The following CCDC90B variants were observed in gnomAD, a reference collection of about 807,000 sequenced individuals.
CCDC90B encodes coiled-coil domain containing 90B, also known as coiled-coil domain-containing protein 90B, mitochondrial.
A neutral mutation model predicts 37.0 loss-of-function variants in CCDC90B; 24 were observed. The observed-to-expected ratio is 0.65, with a 90% confidence interval of 0.47 to 0.91. The LOEUF (loss-of-function observed/expected upper bound fraction) is 0.91. Ranked by LOEUF, CCDC90B falls within the 40% of genes least tolerant of loss-of-function variation. The pLI is 0.00. For synonymous variants in CCDC90B, 113 were observed against 101.1 expected (o/e 1.12, Z -0.71); for missense variants, 319 against 299.0 (o/e 1.07, Z -0.49).
Position 83,286,237 on chromosome 11 carries a change from G to A in CCDC90B, c.-265C>T. The A allele has an allele frequency of 1.3e-6, 2 of 1,498,086 alleles. No homozygotes were observed. Among genetic ancestry groups the A allele is most frequent in the East Asian group, 4.9e-5 (2 of 40,478 alleles). The allele number at this position is 1,498,086 out of a possible 1,614,324, so 92.8% of individuals were successfully genotyped here. A position where few individuals can be genotyped will look rare whatever the true frequency, so the allele number is the denominator to read the frequency against. On this transcript the variant is annotated 5_prime_UTR_variant, in exon 1 of 9. Transcript: ENST00000529689. ...ACCTTTGAACGCCTTCACCGCCCTAGGAAAGCGAGATCTTGTCAGAGAACC... is the reference window on the plus strand; with the variant it reads ...ACCTTTGAACGCCTTCACCGCCCTAAGAAAGCGAGATCTTGTCAGAGAACC...
intron 8 of CCDC90B, among the ~76,000 whole-genome samples, chr11:83,263,974 T>A (rs1355233128): frequency 1.3e-5 from 2 of 152,206 alleles, no homozygotes; most frequent in Admixed American, 1.3e-4. Flanking sequence ...TCGGCAGTTT[T>A]CTTTTAGACA....
rs989102158 is a variant in CCDC90B, at chr11:83,260,858, A to G, written c.*1053T>C. The G allele has an allele frequency of 1.3e-5, 2 of 152,180 alleles. No individual in the cohort carries two copies. The highest frequency in any genetic ancestry group is 2.9e-5 in the Non-Finnish European group (2 of 68,018). The allele number at this position is 152,180 out of a possible 1,614,324, so 9.4% of individuals were successfully genotyped here. A position where few individuals can be genotyped will look rare whatever the true frequency, so the allele number is the denominator to read the frequency against. Reference sequence around the variant, plus strand: ...ACAAAATACGAATTTAAATTTTCCTATGAGTTTCTTGAGAGTAGGTACTAG... The same window carrying G: ...ACAAAATACGAATTTAAATTTTCCTGTGAGTTTCTTGAGAGTAGGTACTAG... On this transcript the variant is annotated 3_prime_UTR_variant, in exon 9 of 9. Transcript: ENST00000529689.
chr11:83,264,866 C>G (rs899719825), intron 8 of CCDC90B, among the ~76,000 whole-genome samples: 5 of 149,328 alleles, frequency 3.3e-5, no homozygotes, highest in Non-Finnish European at 7.4e-5. Flanking sequence ...GAACAAAAAA[C>G]CAAACACTGC....
intron 3 of CCDC90B, 70 bp downstream of exon 3, chr11:83,278,656 T>G: frequency 9.7e-7 from 1 of 1,027,182 alleles, no homozygotes; most frequent in South Asian, 1.4e-5. Context: ...GGTCAGTAGG[T>G]AGACAGAGAC....
intron 8 of CCDC90B, 66 bp from the exon 9 acceptor site, chr11:83,262,032 T>A: frequency 9.0e-7 from 1 of 1,108,708 alleles, no homozygotes; most frequent in East Asian, 2.5e-5. Flanking sequence ...ATAAAGAGAA[T>A]AATGTTATCT....
intron 6 of CCDC90B, 27 bp from the exon 7 acceptor site, chr11:83,273,727 TAA>T: frequency 6.3e-7 from 1 of 1,574,946 alleles, no homozygotes; most frequent in Non-Finnish European, 8.6e-7. Flanking sequence ...AGCAGGAAGT[TAA>T]AAAAAAAGTC....
intron 1 of CCDC90B, 72 bp from the exon 2 acceptor site, chr11:83,280,332 T>C (rs1446780109): frequency 7.4e-6 from 10 of 1,356,100 alleles, no homozygotes; most frequent in Non-Finnish European, 1.0e-5. Flanking sequence ...TTACAAAGCA[T>C]TTTCCCCATC....
intron 1 of CCDC90B, among the ~76,000 whole-genome samples, chr11:83,281,301 A>G (rs1344805290): frequency 6.6e-6 from 1 of 152,232 alleles, no homozygotes; most frequent in Admixed American, 6.5e-5. Flanking sequence ...CTTCTAGCCT[A>G]ATGAATATTG....
chr11:83,279,258 G>C (rs1336774720), intron 2 of CCDC90B, among the ~76,000 whole-genome samples: 1 of 151,308 alleles, frequency 6.6e-6, no homozygotes, highest in Non-Finnish European at 1.5e-5. Context: ...TCCAGCCTGG[G>C]CAACAGAGCG....
intron 7 of CCDC90B, among the ~76,000 whole-genome samples, chr11:83,271,890 A>G (rs1026850849): frequency 6.6e-6 from 1 of 152,226 alleles, no homozygotes. Flanking sequence ...GACAGACTGG[A>G]TTAAGAAAAC....
intron 7 of CCDC90B, among the ~76,000 whole-genome samples, chr11:83,268,852 T>C (rs1391398895): frequency 1.3e-5 from 2 of 152,132 alleles, no homozygotes; most frequent in African/African-American, 2.4e-5. Flanking sequence ...GACCACATAA[T>C]TGGAAGTAAA....
chr11:83,285,699 T>A (rs1257437003), intron 1 of CCDC90B, 174 bp downstream of exon 1: 2 of 1,432,058 alleles, frequency 1.4e-6, no homozygotes, highest in African/African-American at 1.4e-5. Context: ...CCTCGCCCCT[T>A]GGGGCGAGCT....
intron 3 of CCDC90B, among the ~76,000 whole-genome samples, chr11:83,275,442 C>G (rs1864964864): frequency 6.6e-6 from 1 of 151,270 alleles, no homozygotes; most frequent in Non-Finnish European, 1.5e-5. Flanking sequence ...TGACATAACA[C>G]TCAAAGGAAA....
chr11:83,276,798 A>AT (rs558704013), intron 3 of CCDC90B, among the ~76,000 whole-genome samples: 84 of 152,320 alleles, frequency 5.5e-4, no homozygotes, highest in African/African-American at 1.9e-3. Flanking sequence ...TAAAAGTGTG[A>AT]TTTTTTTAAA....
At chr11:83,263,512 C>T (rs1864055956) in intron 8 of CCDC90B, among the ~76,000 whole-genome samples, 1 of 152,172 alleles carries the variant, frequency 6.6e-6, no homozygotes, top group Non-Finnish European at 1.5e-5. Context: ...ACATTTTAAG[C>T]ACTCTGTAAA....
chr11:83,274,215 G>A, intron 4 of CCDC90B: 1 of 384,384 alleles, frequency 2.6e-6, no homozygotes, highest in East Asian at 3.8e-5. Context: ...TTTAAAAACT[G>A]ATTTTCTAAA....
Position 83,261,847 on chromosome 11 carries a change from A to G in CCDC90B, c.*64T>C, listed in dbSNP as rs1591022748. ...TTTTTGCTGCAACTGACAATGTTCAAAGTAAATCTCTCCCGGTTTGGTGTT... is the reference window on the plus strand; with the variant it reads ...TTTTTGCTGCAACTGACAATGTTCAGAGTAAATCTCTCCCGGTTTGGTGTT... On this transcript the variant is annotated 3_prime_UTR_variant, in exon 9 of 9. Coordinates refer to ENST00000529689, the MANE Select transcript of CCDC90B (RefSeq NM_021825.5). 8.2e-7 allele frequency: 1 copy of G among 1,212,288 alleles called. No homozygotes were observed. The highest frequency in any genetic ancestry group is 1.3e-5 in the South Asian group (1 of 75,662). The allele number at this position is 1,212,288 out of a possible 1,614,324, so 75.1% of individuals were successfully genotyped here.
At chr11:83,285,648 A>C in intron 1 of CCDC90B, 1 of 1,386,012 alleles carries the variant, frequency 7.2e-7, no homozygotes, top group Non-Finnish European at 9.3e-7. Context: ...CAGGCCTTCA[A>C]AGGTTCGCTT....
At chr11:83,268,832 T>G (rs559735798) in intron 7 of CCDC90B, among the ~76,000 whole-genome samples, 1 of 152,314 alleles carries the variant, frequency 6.6e-6, no homozygotes, top group South Asian at 2.1e-4. Flanking sequence ...ATCACACTTA[T>G]TCTAAAACTG....
Sources: allele counts gnomAD v4.1 joint callset (sites outside exome capture counted in the v4.1 genomes callset), GRCh38; gene constraint gnomAD v4.1.1; transcripts MANE v1.5; gene names NCBI Gene and HGNC (gene_info 2026-07-23, HGNC 2026-07-21).